LRIT3: variants seen among roughly 807,000 people sequenced by gnomAD.
LRIT3 encodes the protein leucine-rich repeat, immunoglobulin-like domain and transmembrane domain-containing protein 3.
A neutral mutation model predicts 22.6 loss-of-function variants in LRIT3; 14 were observed. The observed-to-expected ratio is 0.62, with a 90% CI of 0.41 to 0.97. The LOEUF (loss-of-function observed/expected upper bound fraction) is 0.97. Ranked by LOEUF, LRIT3 falls within the 50% of genes least tolerant of loss-of-function variation. The pLI is 0.00. For missense variants in LRIT3, 783 were observed against 803.0 expected, an observed-to-expected ratio of 0.98 and a Z score of 0.30; for synonymous variants, 306 against 304.5, an observed-to-expected ratio of 1.01 and a Z score of -0.05.
chr4:109,851,311 C>A, intron 1 of LRIT3, 193 bp from the exon 2 acceptor site: 1 of 652,150 alleles, frequency 1.5e-6, no homozygotes. Context: ...TTTCCATGGC[C>A]ACAGAGGAGG....
At chr4:109,851,162 G>A (rs1043185538) in intron 1 of LRIT3, among the ~76,000 whole-genome samples, 1 of 152,190 alleles carries the variant, frequency 6.6e-6, no homozygotes, top group Non-Finnish European at 1.5e-5. Flanking sequence ...ATGTAAAACC[G>A]AGGTTGTTGA....
chr4:109,853,643 G>A, intron 2 of LRIT3, among the ~76,000 whole-genome samples: 1 of 152,090 alleles, frequency 6.6e-6, no homozygotes, highest in East Asian at 1.9e-4. Flanking sequence ...TTGCTTTTTG[G>A]TGTTTTAGTC....
Position 109,848,116 on chromosome 4 carries a change from T to C in LRIT3, c.-86T>C, listed in dbSNP as rs555316770. Reference sequence around the variant, plus strand: ...TCCCGTGTAATCTGCTGTTACTAAATGGCTGTTTGTATTCCAGGCATACCA... The same window carrying C: ...TCCCGTGTAATCTGCTGTTACTAAACGGCTGTTTGTATTCCAGGCATACCA... On this transcript the variant is annotated 5_prime_UTR_variant, in exon 1 of 4. The change abolishes an upstream ATG in the 5' untranslated region. Coordinates refer to ENST00000594814, the MANE Select transcript of LRIT3 (RefSeq NM_198506.5). 9.2e-5 allele frequency: 50 copies of C among 541,432 alleles called. No homozygotes were observed. The East Asian group carries it at 1.5e-3, about 17-fold the overall frequency. 33.5% of individuals were successfully genotyped at this position (541,432 alleles called of 1,614,324 possible).
chr4:109,855,996 C>T lies in LRIT3; in HGVS notation c.589+4020C>T, dbSNP rs1002457059. On this transcript the variant is annotated intron_variant, in intron 2 of 3. Coordinates refer to ENST00000594814, the MANE Select transcript of LRIT3 (RefSeq NM_198506.5). ...CTATCTTATCCATATGAACAGGCACCCCTCATGCATCCATTTATAGGCTCT... is the reference window on the plus strand; with the variant it reads ...CTATCTTATCCATATGAACAGGCACTCCTCATGCATCCATTTATAGGCTCT... Among the ~76,000 whole-genome samples the T allele has an allele frequency of 2.0e-5, 3 of 152,042 alleles. No homozygotes were observed. The South Asian group carries it at 6.2e-4, about 32-fold the overall frequency.
intron 3 of LRIT3, among the ~76,000 whole-genome samples, 173 bp from the exon 4 acceptor site, chr4:109,869,472 T>C (rs1367314304): frequency 2.0e-5 from 3 of 152,216 alleles, no homozygotes; most frequent in Non-Finnish European, 4.4e-5. Context: ...TAGACCTTGA[T>C]GTAAGCAGTT....
intron 1 of LRIT3, among the ~76,000 whole-genome samples, chr4:109,850,028 C>T (rs1351637249): frequency 1.3e-5 from 2 of 152,142 alleles, no homozygotes; most frequent in African/African-American, 4.8e-5. Context: ...TCAAAGATTC[C>T]ATGAGGTCTT....
At chr4:109,865,317 A>C in intron 2 of LRIT3, 1 of 1,601,342 alleles carries the variant, frequency 6.2e-7, no homozygotes, top group Admixed American at 1.7e-5. Flanking sequence ...TTTCTCTTTC[A>C]TATATTTAAA....
intron 2 of LRIT3, chr4:109,864,975 T>C (rs1195791427): frequency 2.1e-6 from 2 of 948,484 alleles, no homozygotes; most frequent in Admixed American, 7.4e-5. Context: ...CTTTAGCACC[T>C]CAATCAATAG....
intron 1 of LRIT3, among the ~76,000 whole-genome samples, chr4:109,850,413 TCC>T (rs1734198871): frequency 5.5e-5 from 1 of 18,318 alleles, no homozygotes; most frequent in Non-Finnish European, 9.7e-5. Flanking sequence ...CTTCCTTCCT[TCC>T]TTCCTTCCTT....
Position 109,851,695 on chromosome 4 carries a change from A to G in LRIT3, c.308A>G (p.Asn103Ser). Residue 103 changes from asparagine to serine, a missense_variant, in exon 2 of 4, where the codon AAC becomes AGC. Around this residue, in one of 2 missense-constraint regions of LRIT3, gnomAD observed 756 missense variants for 753.8 expected, o/e 1.00. Transcript: ENST00000594814. ...VASIDPSSFYNLKQLHELRLD... is the reference protein window; with the variant it reads ...VASIDPSSFYSLKQLHELRLD... ...AGCATTGACCCCAGCAGCTTTTACAACCTGAAGCAACTGCATGAGTTGCGC... is the reference window on the plus strand; with the variant it reads ...AGCATTGACCCCAGCAGCTTTTACAGCCTGAAGCAACTGCATGAGTTGCGC... 1 of 1,551,642 alleles carries G rather than the reference A, an allele frequency of 6.4e-7. No homozygotes were observed. Among genetic ancestry groups the G allele is most frequent in the Non-Finnish European group, 8.7e-7 (1 of 1,146,980 alleles).
In LRIT3 at chr4:109,870,068, G is replaced by A. The variant is rs757351189; in HGVS notation, c.1319G>A (p.Arg440Gln). The A allele has an allele frequency of 6.2e-6, 10 of 1,614,084 alleles. No individual in the cohort carries two copies. The highest frequency in any genetic ancestry group is 4.5e-5 in the East Asian group (2 of 44,884). ...GCAAGTACCACCATGGCCAACAAGCGATCATTCCAGCTCCACCAAGGTGGG... is the reference window on the plus strand; with the variant it reads ...GCAAGTACCACCATGGCCAACAAGCAATCATTCCAGCTCCACCAAGGTGGG... The part of the protein sequence containing the change: ...ISASTTMANK[R>Q]SFQLHQGGKR... Residue 440 changes from arginine to glutamine, a missense_variant, in exon 4 of 4, where the codon CGA (arginine) becomes CAA (glutamine). Arg to Gln is a conservative substitution (Grantham distance 43). This residue lies in a region of LRIT3 where 756 missense variants were observed against 753.8 expected (regional missense o/e 1.00). Coordinates refer to ENST00000594814, the MANE Select transcript of LRIT3 (RefSeq NM_198506.5).
chr4:109,862,396 G>GA (rs890803988), intron 2 of LRIT3, among the ~76,000 whole-genome samples: 1 of 151,920 alleles, frequency 6.6e-6, no homozygotes, highest in African/African-American at 2.4e-5. Flanking sequence ...GTCCTCAGAA[G>GA]AAAAAAACAC....
In LRIT3 at chr4:109,870,445, T is replaced by C. The variant is rs759696071; in HGVS notation, c.1696T>C (p.Cys566Arg). 3.5e-5 allele frequency: 57 copies of C among 1,614,070 alleles called. No individual in the cohort carries two copies. The highest frequency in any genetic ancestry group is 1.6e-5 in the Non-Finnish European group (19 of 1,180,042). ...PKGVPPQKDQ[C>R]ITFSTERVEG... ...AGGAGTGCCTCCCCAGAAAGACCAATGCATCACCTTTTCTACTGAAAGAGT... is the reference window on the plus strand; with the variant it reads ...AGGAGTGCCTCCCCAGAAAGACCAACGCATCACCTTTTCTACTGAAAGAGT... The change falls in exon 4 of 4, where the codon TGC becomes CGC. Residue 566 changes from cysteine (C) to arginine (R), a missense_variant. Physicochemically the swap from Cys to Arg is radical, Grantham distance 180. Coordinates refer to ENST00000594814, the MANE Select transcript of LRIT3 (RefSeq NM_198506.5).
rs141085749 is a variant in LRIT3 at position 109,848,838 on chromosome 4, A to G, written c.116+521A>G. Among the ~76,000 whole-genome samples the G allele has an allele frequency of 1.4e-3, 216 of 152,344 alleles. 2 individuals are homozygous for G. The highest frequency in any genetic ancestry group is 5.1e-3 in the African/African-American group (212 of 41,592). On this transcript the variant is annotated intron_variant, in intron 1 of 3. Coordinates refer to ENST00000594814, the MANE Select transcript of LRIT3 (RefSeq NM_198506.5). ...TTAAGCTGATGGAATTTACAAAATAAAGAAGATTGAAAAAGATACTGTCTG... is the reference window on the plus strand; with the variant it reads ...TTAAGCTGATGGAATTTACAAAATAGAGAAGATTGAAAAAGATACTGTCTG...
chr4:109,849,810 A>C (rs1734165973), intron 1 of LRIT3, among the ~76,000 whole-genome samples: 1 of 151,942 alleles, frequency 6.6e-6, no homozygotes, highest in African/African-American at 2.4e-5. Flanking sequence ...ATGGGGTTTC[A>C]TCATGTTGGC....
chr4:109,850,422 CCTT>C lies in LRIT3; in HGVS notation c.117-1081_117-1079del, dbSNP rs1734206892. ...TCCTTCCTTCCTTCCTTCCTTCCTT[CCTT>C]TCTTTCTTTCTTTCTTTCTTTCTTT... On this transcript the variant is annotated intron_variant, in intron 1 of 3. Coordinates refer to ENST00000594814, the MANE Select transcript of LRIT3 (RefSeq NM_198506.5). 6.2e-3 allele frequency among the ~76,000 whole-genome samples: 341 copies of C among 55,052 alleles called. 2 individuals carry two copies. Among genetic ancestry groups the C allele is most frequent in the South Asian group, 0.011 (15 of 1,364 alleles). The allele number at this position is 55,052 out of a possible 152,430, so 36.1% of individuals were successfully genotyped here. A position where few individuals can be genotyped will look rare whatever the true frequency, so the allele number is the denominator to read the frequency against.
chr4:109,868,703 T>C (rs1734747083), intron 3 of LRIT3, among the ~76,000 whole-genome samples: 1 of 152,180 alleles, frequency 6.6e-6, no homozygotes, highest in Non-Finnish European at 1.5e-5. Flanking sequence ...TTTCAGATCC[T>C]AGTGTGACAA....
intron 1 of LRIT3, 96 bp downstream of exon 1, chr4:109,848,413 A>G: frequency 1.8e-6 from 1 of 561,392 alleles, no homozygotes; most frequent in Non-Finnish European, 2.7e-6. Context: ...TTTGGGGATC[A>G]GAAATCACAG....
rs763421788 is a variant in LRIT3 at position 109,869,731 on chromosome 4, T to G, written c.982T>G (p.Cys328Gly). 45 of 1,612,682 alleles carry G rather than the reference T, an allele frequency of 2.8e-5. No homozygotes were observed. The highest frequency in any genetic ancestry group is 1.7e-6 in the Non-Finnish European group (2 of 1,179,130). The change falls in exon 4 of 4, where the codon TGT becomes GGT. Residue 328 changes from cysteine (C) to glycine (G), a missense_variant. Around this residue, in one of 2 missense-constraint regions of LRIT3, gnomAD observed 756 missense variants for 753.8 expected, o/e 1.00. Transcript: ENST00000594814. ...ISSKDAGDYKCKAKNLAGMSE... is the reference protein window; with the variant it reads ...ISSKDAGDYKGKAKNLAGMSE... ...TTCCAAAGACGCTGGGGATTACAAA[T>G]GTAAGGCCAAAAATCTGGCTGGGAT...
Sources: allele counts gnomAD v4.1 joint callset (sites outside exome capture counted in the v4.1 genomes callset), GRCh38; gene constraint gnomAD v4.1.1; regional missense constraint gnomAD v4.1.1; transcripts MANE v1.5; gene names NCBI Gene and HGNC (gene_info 2026-07-23, HGNC 2026-07-21).